TBC1D30: variants seen among roughly 807,000 people sequenced by gnomAD.
TBC1D30 encodes TBC1 domain family, member 30.
TBC1D30 carries 31 observed loss-of-function variants against 63.2 expected under a neutral mutation model. The observed-to-expected ratio is 0.49, with a 90% CI of 0.37 to 0.66. The LOEUF (loss-of-function observed/expected upper bound fraction) is 0.66. TBC1D30 is among the 30% of genes least tolerant of loss of function. The pLI is 0.00. For synonymous variants in TBC1D30, 307 were observed against 361.5 expected, an observed-to-expected ratio of 0.85 and a Z score of 1.71; for missense variants, 810 against 953.6, an observed-to-expected ratio of 0.85 and a Z score of 1.98.
intron 8 of TBC1D30, 56 bp from the exon 9 acceptor site, chr12:64,864,612 A>T (rs1435960244): frequency 3.3e-5 from 39 of 1,172,390 alleles, no homozygotes; most frequent in Non-Finnish European, 4.5e-5. Flanking sequence ...TCCAGGATTG[A>T]TAAGAGTTGT....
intron 2 of TBC1D30, among the ~76,000 whole-genome samples, chr12:64,804,277 G>T (rs1439198568): frequency 6.6e-6 from 1 of 152,182 alleles, no homozygotes; most frequent in Non-Finnish European, 1.5e-5. Flanking sequence ...GTTCACTCAT[G>T]ATTTCGCTCT....
In TBC1D30 at chr12:64,781,705, G is replaced by GT. The variant is rs1188077372; in HGVS notation, c.478+426dup. ...GCTGTTCTTTCCTTTTTTTTTTTTT[G>GT]TTTTTTTGTTTTTAAAGTCCGCCTT... On this transcript the variant is annotated intron_variant, in intron 1 of 12. Transcript: ENST00000542120. 2.8e-3 allele frequency among the ~76,000 whole-genome samples: 356 copies of GT among 128,292 alleles called. 1 individual carries two copies. Among genetic ancestry groups the GT allele is most frequent in the African/African-American group, 9.3e-3 (308 of 33,084 alleles). 84.2% of individuals were successfully genotyped at this position (128,292 alleles called of 152,430 possible).
intron 7 of TBC1D30, among the ~76,000 whole-genome samples, chr12:64,840,018 A>AAAAAAAAAAAAC (rs1875725209): frequency 6.6e-6 from 1 of 151,512 alleles, no homozygotes; most frequent in African/African-American, 2.4e-5. Context: ...AAAAAAAAAA[A>AAAAAAAAAAAAC]AAAAAAAAAA....
rs1247032877 is a variant in TBC1D30, at chr12:64,876,045, A to C, written c.*257A>C. ...TGGTTTTATAGTGTGAAGTTTTCCC[A>C]ATTTTTCATTGTGAGCTGTTTAAAA... On this transcript the variant is annotated 3_prime_UTR_variant, in exon 12 of 12. Transcript: ENST00000539867. 1 of 417,452 alleles carries C rather than the reference A, an allele frequency of 2.4e-6. No individual in the cohort carries two copies. The highest frequency in any genetic ancestry group is 2.0e-5 in the African/African-American group (1 of 48,924). 25.9% of individuals were successfully genotyped at this position (417,452 alleles called of 1,614,324 possible).
chr12:64,803,776 T>C (rs933256665), intron 2 of TBC1D30, among the ~76,000 whole-genome samples: 2 of 152,230 alleles, frequency 1.3e-5, no homozygotes, highest in African/African-American at 4.8e-5. Context: ...CATTTCTTGT[T>C]TTTGTCAGGT....
chr12:64,796,209 T>C (rs1375550853), intron 2 of TBC1D30, among the ~76,000 whole-genome samples: 2 of 151,880 alleles, frequency 1.3e-5, no homozygotes, highest in East Asian at 3.9e-4. Context: ...ATAAAGGGGT[T>C]GATTTGTAGG....
chr12:64,782,520 T>C (rs1871347767), intron 1 of TBC1D30, among the ~76,000 whole-genome samples: 1 of 152,206 alleles, frequency 6.6e-6, no homozygotes, highest in South Asian at 2.1e-4. Flanking sequence ...TGTCTGTGTA[T>C]GCCACAAGTC....
chr12:64,810,720 C>T (rs1350143), intron 2 of TBC1D30, among the ~76,000 whole-genome samples: 102,106 of 152,162 alleles, frequency 0.67, 34,639 homozygotes, highest in East Asian at 0.9. Flanking sequence ...TGAAAGAAAA[C>T]AGGCAATGGC....
At chr12:64,828,633 A>T (rs2136363635) in intron 3 of TBC1D30, 124 bp downstream of exon 3, 1 of 641,370 alleles carries the variant, frequency 1.6e-6, no homozygotes, top group East Asian at 2.8e-5. Flanking sequence ...TTATTCATTC[A>T]TGCAATAAAT....
intron 1 of TBC1D30, among the ~76,000 whole-genome samples, chr12:64,773,734 C>A (rs898808746): frequency 2.6e-5 from 4 of 152,216 alleles, no homozygotes; most frequent in African/African-American, 9.7e-5. Flanking sequence ...CAAACCACAG[C>A]AGCCCTACAG....
rs1879421944 is a variant in TBC1D30, at chr12:64,880,895, A to G, written c.*5107A>G. 6.6e-6 allele frequency: 1 copy of G among 152,192 alleles called. No homozygotes were observed. The highest frequency in any genetic ancestry group is 2.1e-4 in the South Asian group (1 of 4,828). 9.4% of individuals were successfully genotyped at this position (152,192 alleles called of 1,614,324 possible). ...TAGGCAATGCTGATCACTGGGAAGGAGGTGGATCAATTCTCCTATGGGACC... is the reference window on the plus strand; with the variant it reads ...TAGGCAATGCTGATCACTGGGAAGGGGGTGGATCAATTCTCCTATGGGACC... On this transcript the variant is annotated 3_prime_UTR_variant, in exon 12 of 12. Transcript: ENST00000539867.
intron 7 of TBC1D30, among the ~76,000 whole-genome samples, chr12:64,841,272 T>G (rs1875843964): frequency 6.6e-6 from 1 of 152,254 alleles, no homozygotes; most frequent in African/African-American, 2.4e-5. Context: ...TTGGAATTTC[T>G]ACCTTTCGCT....
In TBC1D30 at chr12:64,877,119, T is replaced by A. The variant is rs536264764; in HGVS notation, c.*1331T>A. ...CTCCAGATGGTACAGAGTCCCTTGA[T>A]GGCATTTTACAAAACCAGCTCTGAC... On this transcript the variant is annotated 3_prime_UTR_variant, in exon 12 of 12. Transcript: ENST00000539867. 1 of 300,636 alleles carries A rather than the reference T, an allele frequency of 3.3e-6. No homozygotes were observed. Among genetic ancestry groups the A allele is most frequent in the African/African-American group, 2.2e-5 (1 of 46,060 alleles). The allele number at this position is 300,636 out of a possible 1,614,324, so 18.6% of individuals were successfully genotyped here. A position where few individuals can be genotyped will look rare whatever the true frequency, so the allele number is the denominator to read the frequency against.
intron 5 of TBC1D30, among the ~76,000 whole-genome samples, chr12:64,835,648 G>T (rs1484736746): frequency 6.6e-6 from 1 of 152,140 alleles, no homozygotes; most frequent in Non-Finnish European, 1.5e-5. Flanking sequence ...AACAAAGAAA[G>T]TAGAGGTAGT....
In TBC1D30 at chr12:64,828,407, C is replaced by T. The variant is rs750919808; in HGVS notation, c.217-37C>T. 14 of 1,477,570 alleles carry T rather than the reference C, an allele frequency of 9.5e-6. No homozygotes were observed. The South Asian group carries it at 1.6e-4, about 17-fold the overall frequency. The allele number at this position is 1,477,570 out of a possible 1,614,324, so 91.5% of individuals were successfully genotyped here. ...GATTGCAAAGTGCTTATCTAGGTCA[C>T]TGTGATCACCTCCTGGGATTTCTTC... is the stretch of plus-strand genomic sequence containing the variant. On this transcript the variant is annotated intron_variant, in intron 2 of 11. Transcript: ENST00000539867.
chr12:64,827,942 G>T (rs1874508483), intron 2 of TBC1D30, 46 bp downstream of exon 2: 1 of 1,269,092 alleles, frequency 7.9e-7, no homozygotes, highest in Non-Finnish European at 1.1e-6. Flanking sequence ...TTACCAACAG[G>T]GCACATTGAG....
intron 8 of TBC1D30, among the ~76,000 whole-genome samples, chr12:64,858,667 A>T (rs1877517016): frequency 6.6e-6 from 1 of 152,226 alleles, no homozygotes; most frequent in Non-Finnish European, 1.5e-5. Flanking sequence ...GTCCTTCAGC[A>T]CTTCCTTGTT....
chr12:64,870,540 T>C (rs772378023), intron 10 of TBC1D30, 62 bp from the exon 11 acceptor site: 160 of 1,372,292 alleles, frequency 1.2e-4, no homozygotes, highest in Non-Finnish European at 1.6e-4. Flanking sequence ...GTGTTATCAA[T>C]TTCCATTTAC....
At chr12:64,817,231 A>T (rs1329899556) in intron 2 of TBC1D30, among the ~76,000 whole-genome samples, 2 of 152,186 alleles carry the variant, frequency 1.3e-5, no homozygotes, top group Non-Finnish European at 2.9e-5. Context: ...TCACAGCGCC[A>T]TTTTAGCCTC....
Sources: allele counts gnomAD v4.1 joint callset (sites outside exome capture counted in the v4.1 genomes callset), GRCh38; gene constraint gnomAD v4.1.1; transcripts MANE v1.5; gene names NCBI Gene and HGNC (gene_info 2026-07-23, HGNC 2026-07-21).